ATP8A2: variants seen among roughly 807,000 people sequenced by gnomAD.
ATP8A2 encodes ATPase phospholipid transporting 8A2, also known as phospholipid-transporting ATPase IB.
A neutral mutation model predicts 165.6 loss-of-function variants in ATP8A2; 100 were observed. The observed-to-expected ratio is 0.60, with a 90% CI of 0.51 to 0.71. The LOEUF is 0.71. Among genes scored for constraint, ATP8A2 ranks in the 30% least tolerant of loss-of-function variants. The pLI is 0.00. For synonymous variants in ATP8A2, 543 were observed against 548.8 expected (o/e 0.99, Z 0.15); for missense variants, 1,227 against 1,479.5 (o/e 0.83, Z 2.80).
rs578080969 is a variant in ATP8A2 at position 25,996,923 on chromosome 13, A to G, written c.3378-15608A>G. 2.7e-4 allele frequency among the ~76,000 whole-genome samples: 41 copies of G among 152,282 alleles called. No individual in the cohort carries two copies. The South Asian group carries it at 8.3e-3, about 31-fold the overall frequency. On this transcript the variant is annotated intron_variant, in intron 35 of 36. Transcript: ENST00000381655. ...GGTCTCGAACTCCTGACCTCAGATG[A>G]TCCTCCCACCTCGGCCTCCCAAAAT...
intron 24 of ATP8A2, among the ~76,000 whole-genome samples, chr13:25,620,030 A>G (rs1198256035): frequency 6.6e-6 from 1 of 152,254 alleles, no homozygotes. Context: ...GAGCTTGATC[A>G]GCCTAAAGGC....
chr13:25,788,319 C>G (rs930817855), intron 27 of ATP8A2, among the ~76,000 whole-genome samples: 15 of 152,210 alleles, frequency 9.9e-5, no homozygotes, highest in African/African-American at 3.6e-4. Context: ...ATCGATAGAC[C>G]ATACAATTAT....
intron 1 of ATP8A2, among the ~76,000 whole-genome samples, chr13:25,417,631 G>A (rs974759032): frequency 1.8e-4 from 28 of 152,104 alleles, no homozygotes; most frequent in African/African-American, 5.6e-4. Flanking sequence ...CTGAAACTTC[G>A]GTGCGTAGGA....
intron 2 of ATP8A2, among the ~76,000 whole-genome samples, chr13:25,517,920 A>G (rs1345467528): frequency 6.6e-6 from 1 of 152,194 alleles, no homozygotes; most frequent in Non-Finnish European, 1.5e-5. Context: ...ATCAGTGGGA[A>G]TTCTTGGATT....
At chr13:25,849,422 G>A (rs1405448801) in intron 30 of ATP8A2, among the ~76,000 whole-genome samples, 1 of 152,210 alleles carries the variant, frequency 6.6e-6, no homozygotes, top group Non-Finnish European at 1.5e-5. Flanking sequence ...ATGATGTAAT[G>A]TTTTTAATGA....
chr13:25,801,542 A>G (rs1315120103), intron 27 of ATP8A2, among the ~76,000 whole-genome samples: 1 of 152,102 alleles, frequency 6.6e-6, no homozygotes. Flanking sequence ...TTTCCAAATG[A>G]TCAGAGAGGA....
intron 36 of ATP8A2, among the ~76,000 whole-genome samples, chr13:26,013,401 G>A (rs758676188): frequency 1.3e-5 from 2 of 152,210 alleles, no homozygotes; most frequent in Non-Finnish European, 1.5e-5. Flanking sequence ...TGGGCCGGAC[G>A]CGGTGGCTCA....
intron 2 of ATP8A2, among the ~76,000 whole-genome samples, chr13:25,503,778 C>T (rs555131260): frequency 1.9e-3 from 291 of 152,200 alleles, no homozygotes; most frequent in African/African-American, 6.7e-3. Context: ...AAGCCTGAAT[C>T]CTTAATGGCA....
chr13:25,882,935 A>ATGATGG (rs1183349584), intron 33 of ATP8A2, among the ~76,000 whole-genome samples: 189 of 145,734 alleles, frequency 1.3e-3, no homozygotes, highest in African/African-American at 2.6e-3. Flanking sequence ...GATGATGATG[A>ATGATGG]TGATGGTGAT....
intron 4 of ATP8A2, among the ~76,000 whole-genome samples, chr13:25,531,768 C>T (rs2038122423): frequency 6.6e-6 from 1 of 152,084 alleles, no homozygotes. Flanking sequence ...AGGTTATGTG[C>T]ATAAAGTGAA....
intron 1 of ATP8A2, among the ~76,000 whole-genome samples, chr13:25,389,504 G>A (rs1284613649): frequency 6.6e-6 from 1 of 152,246 alleles, no homozygotes; most frequent in Non-Finnish European, 1.5e-5. Context: ...AGAGCACCGA[G>A]GGTGAAATAT....
Position 25,616,481 on chromosome 13 carries a change from G to A in ATP8A2, c.2211+26782G>A, listed in dbSNP as rs184707871. Among the ~76,000 whole-genome samples the A allele has an allele frequency of 4.0e-5, 6 of 151,660 alleles. No individual in the cohort carries two copies. In the East Asian group the frequency reaches 9.7e-4, roughly 25 times the overall value. ...CAAGTAACTGGGATTACAGGCACCC[G>A]CCACCATGCACAGATAATTTTGTTA... On this transcript the variant is annotated intron_variant, in intron 24 of 36. Transcript: ENST00000381655.
At chr13:25,672,815 T>G (rs2042295568) in intron 24 of ATP8A2, among the ~76,000 whole-genome samples, 2 of 152,302 alleles carry the variant, frequency 1.3e-5, no homozygotes, top group South Asian at 2.1e-4. Flanking sequence ...TGATAGCTAT[T>G]AAAACATTTT....
intron 2 of ATP8A2, among the ~76,000 whole-genome samples, chr13:25,518,420 A>T (rs185524831): frequency 1.3e-3 from 203 of 152,322 alleles, no homozygotes; most frequent in African/African-American, 4.8e-3. Context: ...TGTTGGGAAG[A>T]TATAAGAAAT....
chr13:25,548,652 G>T (rs1313620711), intron 10 of ATP8A2, among the ~76,000 whole-genome samples: 1 of 152,148 alleles, frequency 6.6e-6, no homozygotes, highest in Non-Finnish European at 1.5e-5. Context: ...TTTGATTGAT[G>T]ATAAGTTGGC....
intron 6 of ATP8A2, among the ~76,000 whole-genome samples, chr13:25,536,020 A>C (rs2038269667): frequency 6.6e-6 from 1 of 151,892 alleles, no homozygotes; most frequent in African/African-American, 2.4e-5. Context: ...ATTTGAAAAC[A>C]TGACAAATTT....
intron 33 of ATP8A2, among the ~76,000 whole-genome samples, chr13:25,899,623 G>C (rs1430285851): frequency 6.6e-6 from 1 of 152,144 alleles, no homozygotes; most frequent in Non-Finnish European, 1.5e-5. Context: ...AGGCAAAGCT[G>C]AGCGGAGGAC....
At chr13:25,714,517 A>G (rs1381107715) in intron 25 of ATP8A2, among the ~76,000 whole-genome samples, 1 of 152,132 alleles carries the variant, frequency 6.6e-6, no homozygotes, top group Non-Finnish European at 1.5e-5. Context: ...TCTCCACCCA[A>G]CAGAATGTTT....
intron 25 of ATP8A2, among the ~76,000 whole-genome samples, chr13:25,734,222 AC>A (rs1262080613): frequency 1.3e-5 from 2 of 152,104 alleles, no homozygotes; most frequent in Non-Finnish European, 2.9e-5. Flanking sequence ...CTTCCTAATT[AC>A]CTTCTCCCAT....
Sources: gnomAD v4.1 joint callset for allele counts (sites outside exome capture counted in the v4.1 genomes callset) on GRCh38, gnomAD v4.1.1 for gene constraint, MANE v1.5 for transcripts, NCBI Gene and HGNC (gene_info 2026-07-23, HGNC 2026-07-21) for gene names.